Variants in DYNC1I1 observed in about 807,000 individuals in gnomAD.
The protein encoded by DYNC1I1 is dynein cytoplasmic 1 intermediate chain 1, also known as cytoplasmic dynein 1 intermediate chain 1.
DYNC1I1 carries 43 observed loss-of-function variants against 86.6 expected under a neutral mutation model. The ratio of observed to expected loss-of-function variants is 0.50; its 90% CI spans 0.39 to 0.64. The LOEUF is 0.64. Among genes scored for constraint, DYNC1I1 ranks in the 30% least tolerant of loss-of-function variants. The pLI, the probability that DYNC1I1 is intolerant of heterozygous loss-of-function variation, is 0.00. For missense variants in DYNC1I1, 604 were observed against 788.8 expected, an observed-to-expected ratio of 0.77 and a Z score of 2.81; for synonymous variants, 262 against 283.7, an observed-to-expected ratio of 0.92 and a Z score of 0.77.
chr7:95,801,546 G>T (rs766276), intron 1 of DYNC1I1, among the ~76,000 whole-genome samples: 3,973 of 152,260 alleles, frequency 0.026, 172 homozygotes, highest in African/African-American at 0.09. Flanking sequence ...TTGGGGAAAG[G>T]TCAAGTAAAA....
intron 5 of DYNC1I1, among the ~76,000 whole-genome samples, chr7:95,858,220 T>C (rs184432395): frequency 6.6e-6 from 1 of 152,340 alleles, no homozygotes; most frequent in East Asian, 1.9e-4. Context: ...TAATTACTTT[T>C]AACTTTATTT....
rs139891534 is a variant in DYNC1I1, at chr7:95,820,970, C to T, written c.315-7087C>T. Among the ~76,000 whole-genome samples, 15 of 152,290 alleles carry T rather than the reference C, an allele frequency of 9.8e-5. 1 individual carries two copies. The highest frequency in any genetic ancestry group is 7.2e-4 in the Admixed American group (11 of 15,306). ...CTCCTGCGGCCATGTAGTGACATCA[C>T]GCTGAGTAAGACTGAGTTTTCCATA... On this transcript the variant is annotated intron_variant, in intron 4 of 16. Coordinates refer to ENST00000447467, the MANE Select transcript of DYNC1I1 (RefSeq NM_001135556.2).
chr7:95,888,228 G>A (rs1790646806), intron 6 of DYNC1I1, among the ~76,000 whole-genome samples: 1 of 152,132 alleles, frequency 6.6e-6, no homozygotes, highest in African/African-American at 2.4e-5. Flanking sequence ...CTTGAGCCCA[G>A]GAATTCAAGA....
intron 5 of DYNC1I1, among the ~76,000 whole-genome samples, chr7:95,835,681 G>A (rs1321233883): frequency 6.6e-6 from 1 of 152,102 alleles, no homozygotes; most frequent in Non-Finnish European, 1.5e-5. Context: ...ATATGTTTAG[G>A]ATAGTTAGCT....
chr7:95,956,919 C>G (rs979940529), intron 6 of DYNC1I1, among the ~76,000 whole-genome samples: 3 of 152,136 alleles, frequency 2.0e-5, no homozygotes, highest in Admixed American at 6.5e-5. Flanking sequence ...TAATCAAGTC[C>G]ATCATTCAGT....
chr7:95,802,333 C>G (rs1321235022), intron 1 of DYNC1I1, among the ~76,000 whole-genome samples: 1 of 152,134 alleles, frequency 6.6e-6, no homozygotes, highest in Non-Finnish European at 1.5e-5. Context: ...CTTGGTCCCT[C>G]TTGGCTGTGC....
chr7:96,040,968 CGCCTTGTCCT>C (rs1220306757), intron 14 of DYNC1I1, among the ~76,000 whole-genome samples: 1 of 152,048 alleles, frequency 6.6e-6, no homozygotes, highest in Non-Finnish European at 1.5e-5. Context: ...ATGATCTGCC[CGCCTTGTCCT>C]GCCAAAGTGC....
chr7:96,082,126 T>C (rs1271269894), intron 16 of DYNC1I1, among the ~76,000 whole-genome samples: 2 of 152,178 alleles, frequency 1.3e-5, no homozygotes, highest in Non-Finnish European at 2.9e-5. Flanking sequence ...ATACCGCCAG[T>C]AGTGTTACAG....
chr7:95,959,194 G>A (rs532553117), intron 6 of DYNC1I1, among the ~76,000 whole-genome samples: 17 of 152,248 alleles, frequency 1.1e-4, no homozygotes, highest in African/African-American at 3.9e-4. Flanking sequence ...GGCGTCATGT[G>A]GGGCTGGGGT....
intron 1 of DYNC1I1, among the ~76,000 whole-genome samples, chr7:95,799,037 A>G (rs1794513873): frequency 6.6e-6 from 1 of 152,038 alleles, no homozygotes; most frequent in Admixed American, 6.6e-5. Flanking sequence ...CAGTATCCAC[A>G]TTTCTTTCTC....
At chr7:95,917,476 C>T (rs1486127672) in intron 6 of DYNC1I1, among the ~76,000 whole-genome samples, 2 of 152,146 alleles carry the variant, frequency 1.3e-5, no homozygotes, top group African/African-American at 4.8e-5. Context: ...CCCGAGTACC[C>T]TTCCAAAGAA....
intron 14 of DYNC1I1, among the ~76,000 whole-genome samples, chr7:96,047,821 G>A (rs181778736): frequency 7.2e-5 from 11 of 152,104 alleles, no homozygotes; most frequent in South Asian, 2.1e-4. Flanking sequence ...AGAATTCACC[G>A]CTATATAACT....
intron 14 of DYNC1I1, among the ~76,000 whole-genome samples, chr7:96,059,721 CA>C (rs1289863635): frequency 1.3e-5 from 2 of 152,068 alleles, no homozygotes; most frequent in Non-Finnish European, 2.9e-5. Flanking sequence ...TACGAATCTT[CA>C]AAAGTAGTTA....
intron 6 of DYNC1I1, among the ~76,000 whole-genome samples, chr7:95,880,148 G>T (rs1790414528): frequency 6.6e-6 from 1 of 151,958 alleles, no homozygotes; most frequent in African/African-American, 2.4e-5. Flanking sequence ...TCAGAACTTG[G>T]ACAGGAAAAA....
chr7:95,875,071 A>T (rs1790273581), intron 6 of DYNC1I1, among the ~76,000 whole-genome samples: 1 of 152,222 alleles, frequency 6.6e-6, no homozygotes, highest in African/African-American at 2.4e-5. Flanking sequence ...TCCATTAGCC[A>T]GGACTAGGTT....
intron 3 of DYNC1I1, 43 bp from the exon 4 acceptor site, chr7:95,813,204 C>A: frequency 6.2e-7 from 1 of 1,612,136 alleles, no homozygotes; most frequent in Non-Finnish European, 8.5e-7. Context: ...AGTGCAGCCG[C>A]TGCATTTTTT....
chr7:95,817,393 A>G (rs1251370760), intron 4 of DYNC1I1, among the ~76,000 whole-genome samples: 1 of 152,122 alleles, frequency 6.6e-6, no homozygotes, highest in Non-Finnish European at 1.5e-5. Flanking sequence ...GTATATCTCT[A>G]TGCTACATAA....
intron 4 of DYNC1I1, among the ~76,000 whole-genome samples, chr7:95,818,267 A>T (rs565354923): frequency 1.3e-5 from 2 of 150,616 alleles, no homozygotes; most frequent in Non-Finnish European, 3.0e-5. Context: ...TTTCCAATCA[A>T]TCAAGACATT....
chr7:95,905,229 GA>G (rs1277115681), intron 6 of DYNC1I1, among the ~76,000 whole-genome samples: 10 of 152,132 alleles, frequency 6.6e-5, no homozygotes, highest in African/African-American at 2.4e-4. Context: ...TTTTGGCTTG[GA>G]AAGTAATTGA....
Sources: allele counts gnomAD v4.1 joint callset (sites outside exome capture counted in the v4.1 genomes callset), GRCh38; gene constraint gnomAD v4.1.1; transcripts MANE v1.5; gene names NCBI Gene and HGNC (gene_info 2026-07-23, HGNC 2026-07-21).